The following GRAMD2B variants were observed in gnomAD, a reference collection of about 807,000 sequenced individuals.
GRAMD2B encodes GRAM domain-containing protein 2B.
A neutral mutation model predicts 59.2 loss-of-function variants in GRAMD2B; 41 were observed. The ratio of observed to expected loss-of-function variants is 0.69; its 90% confidence interval spans 0.54 to 0.90. The LOEUF (loss-of-function observed/expected upper bound fraction) is 0.90. Ranked by LOEUF, GRAMD2B falls within the 40% of genes least tolerant of loss-of-function variation. The pLI is 0.00. For synonymous variants in GRAMD2B, 161 were observed against 182.7 expected (o/e 0.88, Z 0.96); for missense variants, 424 against 500.5 (o/e 0.85, Z 1.46).
intron 1 of GRAMD2B, among the ~76,000 whole-genome samples, chr5:126,379,237 A>C (rs1319996949): frequency 6.6e-6 from 1 of 152,096 alleles, no homozygotes; most frequent in African/African-American, 2.4e-5. Flanking sequence ...CCATTATTTC[A>C]TTCCTTTTTG....
At chr5:126,371,785 G>T (rs962917844) in intron 1 of GRAMD2B, among the ~76,000 whole-genome samples, 2 of 152,094 alleles carry the variant, frequency 1.3e-5, no homozygotes, top group African/African-American at 4.8e-5. Context: ...TACTATGAAG[G>T]AAAAATAATT....
At chr5:126,379,364 A>T (rs527969334) in intron 1 of GRAMD2B, among the ~76,000 whole-genome samples, 9 of 152,290 alleles carry the variant, frequency 5.9e-5, no homozygotes, top group African/African-American at 2.2e-4. Context: ...TGCTATAAAC[A>T]TGTATATGCA....
intron 1 of GRAMD2B, among the ~76,000 whole-genome samples, chr5:126,399,359 G>A (rs533373319): frequency 3.9e-5 from 6 of 152,182 alleles, no homozygotes; most frequent in South Asian, 4.2e-4. Flanking sequence ...CCCACATGTC[G>A]AGGGAGGCAT....
At chr5:126,482,665 G>A (rs1371461307) in intron 8 of GRAMD2B, among the ~76,000 whole-genome samples, 3 of 152,280 alleles carry the variant, frequency 2.0e-5, no homozygotes, top group East Asian at 3.9e-4. Flanking sequence ...GTATGAAATC[G>A]AAATGAGTGT....
intron 1 of GRAMD2B, among the ~76,000 whole-genome samples, chr5:126,398,786 G>T (rs1757581929): frequency 6.6e-6 from 1 of 151,916 alleles, no homozygotes; most frequent in African/African-American, 2.4e-5. Flanking sequence ...CATAGGTTTT[G>T]GTATGTTGTG....
At chr5:126,408,880 C>G (rs1031399905) in intron 1 of GRAMD2B, among the ~76,000 whole-genome samples, 2 of 140,108 alleles carry the variant, frequency 1.4e-5, no homozygotes, top group Non-Finnish European at 3.1e-5. Flanking sequence ...TGATGTTCCC[C>G]TTCCTGTGTC....
intron 1 of GRAMD2B, among the ~76,000 whole-genome samples, chr5:126,360,899 C>G (rs1302698094): frequency 6.6e-6 from 1 of 152,154 alleles, no homozygotes; most frequent in Non-Finnish European, 1.5e-5. Context: ...TGAAGTCACA[C>G]TTGCCATGTC....
Position 126,410,850 on chromosome 5 carries a change from T to A in GRAMD2B, c.125+39283T>A, listed in dbSNP as rs185318028. Among the ~76,000 whole-genome samples the A allele has an allele frequency of 5.9e-5, 9 of 152,238 alleles. No individual in the cohort carries two copies. The East Asian group carries it at 1.7e-3, about 29-fold the overall frequency. On this transcript the variant is annotated intron_variant, in intron 1 of 8. Transcript: ENST00000506445. ...ATCTTCTTGTGGTTTTGATTTGCAT[T>A]TCTTTGATGTCAGTGATGTGGAACG... is the stretch of plus-strand genomic sequence containing the variant.
In GRAMD2B at chr5:126,411,098, G is replaced by A. The variant is rs531041028; in HGVS notation, c.125+39531G>A. ...TGTTAATAGTTTCTTTTGCTGTGCA[G>A]AGCTCTTTAATTAGGTCCCTCTTGT... On this transcript the variant is annotated intron_variant, in intron 1 of 8. Transcript: ENST00000506445. Among the ~76,000 whole-genome samples the A allele has an allele frequency of 2.0e-5, 3 of 151,806 alleles. No homozygotes were observed. The East Asian group carries it at 5.8e-4, about 30-fold the overall frequency.
chr5:126,485,763 T>C lies in GRAMD2B; in HGVS notation c.1048T>C (p.Tyr350His). The C allele has an allele frequency of 6.3e-7, 1 of 1,596,214 alleles. No homozygotes were observed. The change falls in exon 11 of 14, where the codon TAT becomes CAT. Residue 350 changes from tyrosine (Y) to histidine (H), a missense_variant. Physicochemically the swap from Tyr to His is moderately conservative, Grantham distance 83. Transcript: ENST00000285689. ...GATGCTTCACCATATTCTTATATTC[T>C]ATGCAATTGTGTAAGTACATGAATT... ...CPMLHHILIF[Y>H]AIVVCALIIS...
intron 1 of GRAMD2B, among the ~76,000 whole-genome samples, chr5:126,426,316 C>G (rs1217642958): frequency 6.6e-6 from 1 of 152,118 alleles, no homozygotes; most frequent in Non-Finnish European, 1.5e-5. Flanking sequence ...CTCTCTTCAT[C>G]TACTTCTAGA....
chr5:126,476,305 T>C (rs1433963892), intron 5 of GRAMD2B, among the ~76,000 whole-genome samples: 2 of 152,194 alleles, frequency 1.3e-5, no homozygotes, highest in Non-Finnish European at 1.5e-5. Flanking sequence ...TCCTTCAAGC[T>C]GGCAGTACTT....
At chr5:126,437,024 T>A (rs1206188361) in intron 1 of GRAMD2B, among the ~76,000 whole-genome samples, 1 of 152,110 alleles carries the variant, frequency 6.6e-6, no homozygotes, top group African/African-American at 2.4e-5. Flanking sequence ...AGCAGTAGGA[T>A]GGAGGAAGGT....
intron 1 of GRAMD2B, among the ~76,000 whole-genome samples, chr5:126,438,016 G>A (rs564734454): frequency 1.8e-4 from 28 of 152,164 alleles, no homozygotes; most frequent in African/African-American, 6.3e-4. Flanking sequence ...GCATCCTCAC[G>A]TCCCCATGTC....
At chr5:126,419,346 GA>G (rs990455708), upstream of GRAMD2B, among the ~76,000 whole-genome samples, 4 of 152,164 alleles carry the variant, frequency 2.6e-5, no homozygotes, top group East Asian at 1.9e-4. Flanking sequence ...GAGAGAGAGC[GA>G]AAAGGGGGAG....
chr5:126,465,495 C>T lies in GRAMD2B; in HGVS notation c.153C>T (p.Thr51=), dbSNP rs1177321885. Residue 51 remains threonine (T), a synonymous_variant, in exon 2 of 14, where the codon ACC becomes ACT. Coordinates refer to ENST00000285689, the MANE Select transcript of GRAMD2B (RefSeq NM_023927.4). ...GGTCGCCAACAGCCCAATCCCCTAC[C>T]CCATCTGTGGAGGCGGACTCCCCAG... ...ACRSPTAQSP[T]PSVEADSPDQ... is the part of the protein sequence containing the mutation. 1.1e-5 allele frequency: 17 copies of T among 1,614,012 alleles called. No homozygotes were observed. The highest frequency in any genetic ancestry group is 3.3e-4 in the Middle Eastern group (2 of 6,084).
exon 1 of GRAMD2B, chr5:126,371,530 C>T (rs917422467): frequency 7.2e-5 from 93 of 1,289,060 alleles, no homozygotes; most frequent in Non-Finnish European, 8.3e-5. Context: ...GGAGGCCTCA[C>T]GCAGCTCCAC....
intron 1 of GRAMD2B, among the ~76,000 whole-genome samples, chr5:126,380,011 T>C (rs934608916): frequency 2.0e-5 from 3 of 152,192 alleles, no homozygotes; most frequent in Admixed American, 6.5e-5. Context: ...GTTTTTCTGA[T>C]GTTATATTCT....
chr5:126,409,538 TG>T (rs1353329735), intron 1 of GRAMD2B, among the ~76,000 whole-genome samples: 1 of 152,214 alleles, frequency 6.6e-6, no homozygotes, highest in Non-Finnish European at 1.5e-5. Context: ...TGGGGTTGTT[TG>T]TTTTTTTCTT....
Sources: gnomAD v4.1 joint callset for allele counts (sites outside exome capture counted in the v4.1 genomes callset) on GRCh38, gnomAD v4.1.1 for gene constraint, MANE v1.5 for transcripts, NCBI Gene and HGNC (gene_info 2026-07-23, HGNC 2026-07-21) for gene names.